The following ABHD12 variants were observed in gnomAD, a reference collection of about 807,000 sequenced individuals.
ABHD12 encodes the protein abhydrolase domain containing 12, lysophospholipase.
Under a neutral mutation model 58.3 loss-of-function variants are expected in ABHD12, and 43 were observed. The ratio of observed to expected loss-of-function variants is 0.74; its 90% CI spans 0.58 to 0.95. The LOEUF is 0.95. Among genes scored for constraint, ABHD12 ranks in the 40% least tolerant of loss-of-function variants. The pLI, the probability that ABHD12 is intolerant of heterozygous loss-of-function variation, is 0.00. For synonymous variants in ABHD12, 219 were observed against 211.2 expected, an observed-to-expected ratio of 1.04 and a Z score of -0.32; for missense variants, 539 against 537.2, an observed-to-expected ratio of 1.00 and a Z score of -0.03.
At chr20:25,294,921 GTTTTA>G in exon 13 of ABHD12, 1 of 405,384 alleles carries the variant, frequency 2.5e-6, no homozygotes, top group Non-Finnish European at 3.2e-6. Flanking sequence ...CTTTGGGTTA[GTTTTA>G]GTTTTGTCTG....
chr20:25,329,435 ACCCCCCAGTTTTCATTGT>A (rs2089231337), intron 2 of ABHD12, among the ~76,000 whole-genome samples: 1 of 148,344 alleles, frequency 6.7e-6, no homozygotes, highest in African/African-American at 2.6e-5. Context: ...TTCACTGTCC[ACCCCCCAGTTTTCATTGT>A]CCACCCTCCA....
chr20:25,383,854 T>C (rs1355367956), intron 1 of ABHD12, among the ~76,000 whole-genome samples: 2 of 146,038 alleles, frequency 1.4e-5, no homozygotes, highest in Non-Finnish European at 3.0e-5. Context: ...ACTCGGGAGG[T>C]TGAGGCGGGA....
At chr20:25,388,852 G>T (rs375223661) in intron 1 of ABHD12, among the ~76,000 whole-genome samples, 1 of 142,106 alleles carries the variant, frequency 7.0e-6, no homozygotes, top group African/African-American at 2.6e-5. Flanking sequence ...GCACTGGTGC[G>T]ATCTCGGTTC....
At position 25,339,271 on chromosome 20, in the gene ABHD12, T is replaced by G. The variant is rs772038529; in HGVS notation, c.272A>C (p.Lys91Thr). Residue 91 changes from lysine to threonine, a missense_variant, in exon 2 of 13, where the codon AAA (lysine) becomes ACA (threonine). Lys to Thr is a moderately conservative substitution (Grantham distance 78). Coordinates refer to ENST00000339157, the MANE Select transcript of ABHD12 (RefSeq NM_001042472.3). ...TTTGGCCTGTATTCCAGGACATAGT[T>G]TGATGAGAAATGGAATGGCAATGTA... ...GLYIAIPFLI[K>T]LCPGIQAKLI... The G allele has an allele frequency of 1.5e-5, 25 of 1,613,986 alleles. No individual in the cohort carries two copies. In the Admixed American group the frequency reaches 4.2e-4, roughly 27 times the overall value.
At chr20:25,344,885 A>G (rs1300949522) in intron 1 of ABHD12, among the ~76,000 whole-genome samples, 1 of 152,242 alleles carries the variant, frequency 6.6e-6, no homozygotes, top group African/African-American at 2.4e-5. Flanking sequence ...AGGGCAATAC[A>G]ATGGAGCAAA....
At chr20:25,323,058 C>T (rs1247820719) in intron 3 of ABHD12, among the ~76,000 whole-genome samples, 16 of 152,154 alleles carry the variant, frequency 1.1e-4, no homozygotes, top group Non-Finnish European at 1.5e-5. Flanking sequence ...GTTTGCTTTT[C>T]GTTTTTCCTA....
downstream of ABHD12, chr20:25,295,754 C>A (rs1429304184): frequency 1.4e-6 from 2 of 1,441,138 alleles, no homozygotes; most frequent in East Asian, 4.6e-5. Context: ...ATTTCCCAAG[C>A]TGAGTAGATT....
chr20:25,303,131 T>C (rs1374352391), intron 11 of ABHD12: 1 of 768,452 alleles, frequency 1.3e-6, no homozygotes, highest in Non-Finnish European at 1.7e-6. Flanking sequence ...ATTTTGACTG[T>C]GACCCCTGCA....
At chr20:25,334,574 C>G (rs1333051018) in intron 2 of ABHD12, among the ~76,000 whole-genome samples, 4 of 152,056 alleles carry the variant, frequency 2.6e-5, no homozygotes, top group African/African-American at 4.8e-5. Context: ...GCTACAGTAA[C>G]CAAAACAGCA....
chr20:25,374,556 C>T (rs531946231), intron 1 of ABHD12, among the ~76,000 whole-genome samples: 3 of 152,288 alleles, frequency 2.0e-5, no homozygotes, highest in East Asian at 1.9e-4. Context: ...TGCAGTGGCA[C>T]GATCTCAGCT....
At chr20:25,389,572 C>T (rs1431790640) in intron 1 of ABHD12, among the ~76,000 whole-genome samples, 2 of 152,166 alleles carry the variant, frequency 1.3e-5, no homozygotes, top group Non-Finnish European at 2.9e-5. Flanking sequence ...CTACAACAGC[C>T]AGATAATTAG....
downstream of ABHD12, chr20:25,296,570 C>A: frequency 6.4e-7 from 1 of 1,570,256 alleles, no homozygotes; most frequent in Non-Finnish European, 8.6e-7. Flanking sequence ...TTCTTGCTGA[C>A]TTTGCACCTC....
chr20:25,369,319 TTCTC>T (rs748609634), intron 1 of ABHD12, among the ~76,000 whole-genome samples: 2 of 152,272 alleles, frequency 1.3e-5, no homozygotes, highest in South Asian at 2.1e-4. Flanking sequence ...GTTTTAAAAT[TTCTC>T]TATATATTCT....
chr20:25,360,957 A>G (rs969337586), intron 1 of ABHD12, among the ~76,000 whole-genome samples: 2 of 152,234 alleles, frequency 1.3e-5, no homozygotes, highest in African/African-American at 4.8e-5. Flanking sequence ...CGAAGGCCAG[A>G]TACACTAAAA....
chr20:25,318,143 C>T (rs897200191), intron 4 of ABHD12, among the ~76,000 whole-genome samples: 2 of 152,116 alleles, frequency 1.3e-5, no homozygotes, highest in African/African-American at 2.4e-5. Flanking sequence ...TGGTGAAACC[C>T]GTCTCTACTA....
At chr20:25,380,775 G>A (rs1022193180) in intron 1 of ABHD12, among the ~76,000 whole-genome samples, 3 of 152,048 alleles carry the variant, frequency 2.0e-5, no homozygotes, top group Non-Finnish European at 2.9e-5. Flanking sequence ...CTGCTGCAAG[G>A]GTCTAGGTAC....
chr20:25,302,148 C>T, intron 12 of ABHD12, 71 bp downstream of exon 12: 3 of 1,607,648 alleles, frequency 1.9e-6, no homozygotes, highest in Non-Finnish European at 1.7e-6. Flanking sequence ...CAGCAGCTGC[C>T]ACCTGCTGCA....
Position 25,367,639 on chromosome 20 carries a change from A to G in ABHD12, c.191+22874T>C, listed in dbSNP as rs2089841203. On this transcript the variant is annotated intron_variant, in intron 1 of 12. Coordinates refer to ENST00000339157, the MANE Select transcript of ABHD12 (RefSeq NM_001042472.3). The stretch of plus-strand genomic sequence containing the variant: ...CTGCTACTAGTACCTTGACGACTCT[A>G]GTGCCTCACGTAAGTGGAATCATAC... 2.6e-5 allele frequency among the ~76,000 whole-genome samples: 4 copies of G among 152,334 alleles called. No homozygotes were observed. In the South Asian group the frequency reaches 8.3e-4, roughly 32 times the overall value.
downstream of ABHD12, among the ~76,000 whole-genome samples, chr20:25,298,456 TG>T (rs1487685691): frequency 1.3e-5 from 2 of 152,084 alleles, no homozygotes; most frequent in African/African-American, 4.8e-5. Context: ...AGTTTTGCCA[TG>T]TTGGCCAGGC....
Sources: gnomAD v4.1 joint callset for allele counts (sites outside exome capture counted in the v4.1 genomes callset) on GRCh38, gnomAD v4.1.1 for gene constraint, MANE v1.5 for transcripts, NCBI Gene and HGNC (gene_info 2026-07-23, HGNC 2026-07-21) for gene names.